The following ADK variants were observed in gnomAD, a reference collection of about 807,000 sequenced individuals.
The protein encoded by ADK is adenosine kinase.
A neutral mutation model predicts 44.7 loss-of-function variants in ADK; 24 were observed. The observed-to-expected ratio is 0.54, with a 90% CI of 0.39 to 0.76. The LOEUF is 0.76. ADK is among the 30% of genes least tolerant of loss of function. The pLI is 0.00. For missense variants in ADK, 321 were observed against 425.1 expected (o/e 0.76, Z 2.15); for synonymous variants, 128 against 142.6 (o/e 0.90, Z 0.73).
intron 9 of ADK, among the ~76,000 whole-genome samples, chr10:74,658,118 T>G (rs558993175): frequency 1.3e-5 from 2 of 152,206 alleles, no homozygotes; most frequent in Non-Finnish European, 2.9e-5. Flanking sequence ...GTTCATTCAA[T>G]AGAGAACCAT....
chr10:74,424,738 T>C (rs991558482), intron 6 of ADK, among the ~76,000 whole-genome samples: 20 of 152,110 alleles, frequency 1.3e-4, no homozygotes, highest in Admixed American at 3.9e-4. Flanking sequence ...GTGTTCTGGA[T>C]AATTTCTTCA....
chr10:74,589,164 A>G (rs1222704238), intron 7 of ADK, 118 bp from the exon 8 acceptor site: 5 of 832,596 alleles, frequency 6.0e-6, no homozygotes, highest in African/African-American at 5.2e-5. Flanking sequence ...AAATTGAACT[A>G]TGTGGGTATA....
intron 6 of ADK, among the ~76,000 whole-genome samples, chr10:74,501,077 G>A (rs1415826587): frequency 6.6e-6 from 1 of 152,116 alleles, no homozygotes; most frequent in African/African-American, 2.4e-5. Context: ...CTTATAAAGT[G>A]ATACTTTCAT....
intron 9 of ADK, among the ~76,000 whole-genome samples, chr10:74,668,540 G>A (rs1218365325): frequency 6.6e-6 from 1 of 152,022 alleles, no homozygotes; most frequent in African/African-American, 2.4e-5. Context: ...AGTTCAAGAC[G>A]AGCCTGGCCA....
intron 8 of ADK, among the ~76,000 whole-genome samples, chr10:74,597,271 G>C (rs1048867053): frequency 2.0e-5 from 3 of 151,966 alleles, no homozygotes; most frequent in Non-Finnish European, 4.4e-5. Context: ...AATAACTTTA[G>C]TCTTAGAAAA....
intron 2 of ADK, among the ~76,000 whole-genome samples, chr10:74,215,829 A>AT (rs35870828): frequency 2.0e-5 from 3 of 150,620 alleles, no homozygotes; most frequent in African/African-American, 4.9e-5. Context: ...ATTTTTTTGT[A>AT]TTTTTTTTAG....
intron 6 of ADK, among the ~76,000 whole-genome samples, chr10:74,509,159 C>A (rs1010844158): frequency 2.0e-5 from 3 of 151,882 alleles, no homozygotes; most frequent in African/African-American, 7.3e-5. Context: ...AAATAATTTA[C>A]AAATAATAAT....
At chr10:74,472,294 A>G (rs1000612712) in intron 6 of ADK, among the ~76,000 whole-genome samples, 10 of 152,154 alleles carry the variant, frequency 6.6e-5, no homozygotes, top group African/African-American at 1.9e-4. Flanking sequence ...TATATTACCC[A>G]TCGGCTTTTC....
In ADK at chr10:74,295,584, G is replaced by A. The variant is rs1236456008; in HGVS notation, c.195-19083G>A. On this transcript the variant is annotated intron_variant, in intron 3 of 10. Transcript: ENST00000539909. The stretch of plus-strand genomic sequence containing the variant: ...CTTTAAATGGTGTCTTTGATGAACC[G>A]ATGTTCTTCATTTTAATATGGACCC... Among the ~76,000 whole-genome samples, 3 of 151,838 alleles carry A rather than the reference G, an allele frequency of 2.0e-5. 1 individual carries two copies. Among genetic ancestry groups the A allele is most frequent in the Middle Eastern group, 6.8e-3 (2 of 294 alleles).
chr10:74,625,024 A>T (rs1853134568), intron 9 of ADK, among the ~76,000 whole-genome samples: 1 of 152,146 alleles, frequency 6.6e-6, no homozygotes, highest in Admixed American at 6.5e-5. Context: ...GTAACAGCAC[A>T]AATAAATTCA....
At chr10:74,170,949 CATTT>C (rs2132054655) in intron 1 of ADK, among the ~76,000 whole-genome samples, 2 of 151,628 alleles carry the variant, frequency 1.3e-5, no homozygotes, top group Non-Finnish European at 2.9e-5. Context: ...TAACTAATAA[CATTT>C]AGGTGTATTT....
chr10:74,186,722 C>T lies in ADK; in HGVS notation c.66-14042C>T, dbSNP rs1842780788. On this transcript the variant is annotated intron_variant, in intron 1 of 10. Coordinates refer to ENST00000539909, the MANE Select transcript of ADK (RefSeq NM_006721.4). ...ACTTCACATAAATGGAATCATACAG[C>T]AAGGAGTATTTTGTGTCTGATTACT... is the stretch of plus-strand genomic sequence containing the variant. Among the ~76,000 whole-genome samples, 2 of 152,132 alleles carry T rather than the reference C, an allele frequency of 1.3e-5. 1 individual carries two copies. Among genetic ancestry groups the T allele is most frequent in the South Asian group, 4.1e-4 (2 of 4,832 alleles).
At chr10:74,230,475 CTTTT>C (rs201068955) in intron 3 of ADK, among the ~76,000 whole-genome samples, 1 of 142,696 alleles carries the variant, frequency 7.0e-6, no homozygotes. Flanking sequence ...AGTATATAGT[CTTTT>C]TTTTTTTTTT....
intron 1 of ADK, among the ~76,000 whole-genome samples, chr10:74,161,778 T>A (rs1841905528): frequency 1.3e-5 from 2 of 151,932 alleles, no homozygotes; most frequent in South Asian, 4.2e-4. Context: ...CAATCATGGC[T>A]CACTGCAGCT....
chr10:74,413,684 G>A lies in ADK; in HGVS notation c.555+15105G>A, dbSNP rs551839279. On this transcript the variant is annotated intron_variant, in intron 6 of 10. Coordinates refer to ENST00000539909, the MANE Select transcript of ADK (RefSeq NM_006721.4). ...TCACTCTCTTATTCATGCGTTCACTGGAGTAGCACTTTTAATTTTCTTCAA... is the reference window on the plus strand; with the variant it reads ...TCACTCTCTTATTCATGCGTTCACTAGAGTAGCACTTTTAATTTTCTTCAA... 2.1e-4 allele frequency among the ~76,000 whole-genome samples: 32 copies of A among 152,320 alleles called. 1 individual carries two copies. Among genetic ancestry groups the A allele is most frequent in the East Asian group, 1.9e-3 (10 of 5,186 alleles).
chr10:74,250,509 A>G (rs1466091224), intron 3 of ADK, among the ~76,000 whole-genome samples: 1 of 152,170 alleles, frequency 6.6e-6, no homozygotes, highest in Non-Finnish European at 1.5e-5. Flanking sequence ...AGTTTTATAT[A>G]CAAGGTTAAA....
At chr10:74,701,661 T>C (rs1369209714) in intron 10 of ADK, among the ~76,000 whole-genome samples, 1 of 152,164 alleles carries the variant, frequency 6.6e-6, no homozygotes, top group East Asian at 1.9e-4. Context: ...AAAAGAATTG[T>C]GGGCCAAGCA....
At chr10:74,441,400 C>T (rs1845402530) in intron 6 of ADK, among the ~76,000 whole-genome samples, 1 of 151,986 alleles carries the variant, frequency 6.6e-6, no homozygotes, top group Non-Finnish European at 1.5e-5. Context: ...AGATATATAC[C>T]AAAGAAAAAT....
chr10:74,329,360 G>A (rs1038109865), intron 4 of ADK, among the ~76,000 whole-genome samples: 5 of 152,264 alleles, frequency 3.3e-5, no homozygotes, highest in African/African-American at 1.2e-4. Flanking sequence ...AGCCAAGCTG[G>A]GCAAGTATGA....
Sources: gnomAD v4.1 joint callset for allele counts (sites outside exome capture counted in the v4.1 genomes callset) on GRCh38, gnomAD v4.1.1 for gene constraint, MANE v1.5 for transcripts, NCBI Gene and HGNC (gene_info 2026-07-23, HGNC 2026-07-21) for gene names.